Variants in YY1 observed in about 807,000 individuals in gnomAD.
YY1 encodes the protein YY1 transcription factor.
A neutral mutation model predicts 35.6 loss-of-function variants in YY1; 2 were observed. The ratio of observed to expected loss-of-function variants is 0.06; its 90% CI spans 0.02 to 0.18. The LOEUF is 0.18. Among genes scored for constraint, YY1 ranks in the 10% least tolerant of loss-of-function variants. The probability of loss-of-function intolerance (pLI) is 1.00; values close to 1 mark genes in which losing one functional copy is unlikely to be tolerated. For missense variants in YY1, 322 were observed against 573.4 expected (o/e 0.56, Z 4.48); for synonymous variants, 268 against 238.9 (o/e 1.12, Z -1.12).
In YY1 at chr14:100,253,416, G is replaced by C. The variant is rs1276968741; in HGVS notation, c.680-8888G>C. 3.3e-5 allele frequency among the ~76,000 whole-genome samples: 5 copies of C among 152,078 alleles called. 1 individual carries two copies. Among genetic ancestry groups the C allele is most frequent in the Non-Finnish European group, 7.4e-5 (5 of 68,008 alleles). ...AATGGAGGTTTGCCATGTTAGCCAGGCTAGTCTTTTTTATTTTTTGAGACA... is the reference window on the plus strand; with the variant it reads ...AATGGAGGTTTGCCATGTTAGCCAGCCTAGTCTTTTTTATTTTTTGAGACA... On this transcript the variant is annotated intron_variant, in intron 1 of 4. Transcript: ENST00000262238.
At chr14:100,268,704 A>G (rs1891189785) in intron 2 of YY1, among the ~76,000 whole-genome samples, 1 of 152,240 alleles carries the variant, frequency 6.6e-6, no homozygotes, top group African/African-American at 2.4e-5. Flanking sequence ...TATTTGTCTA[A>G]GGCAATATTA....
chr14:100,250,051 G>A, intron 1 of YY1, among the ~76,000 whole-genome samples: 1 of 152,148 alleles, frequency 6.6e-6, no homozygotes, highest in Non-Finnish European at 1.5e-5. Context: ...GGGATTACAG[G>A]CGTGAGCCAC....
chr14:100,254,855 C>G (rs1313360194), intron 1 of YY1, among the ~76,000 whole-genome samples: 1 of 150,602 alleles, frequency 6.6e-6, no homozygotes, highest in Non-Finnish European at 1.5e-5. Flanking sequence ...TCACTGCAAC[C>G]TCCGCCTCCT....
chr14:100,258,599 C>T (rs117201152), intron 1 of YY1, among the ~76,000 whole-genome samples: 7,398 of 152,224 alleles, frequency 0.049, 204 homozygotes, highest in African/African-American at 0.06. Context: ...GTGATCCGCC[C>T]GCCTCGGCTT....
chr14:100,246,464 G>A lies in YY1; in HGVS notation c.679+6541G>A, dbSNP rs61992933. Among the ~76,000 whole-genome samples, 299 of 152,338 alleles carry A rather than the reference G, an allele frequency of 2.0e-3. 5 individuals are homozygous for A. Among genetic ancestry groups the A allele is most frequent in the Middle Eastern group, 3.4e-3 (1 of 294 alleles). The stretch of plus-strand genomic sequence containing the variant: ...GGTAGAGAACCCTTGTTTGGACCTT[G>A]TGGGGATGTGGGGTGGTGAGACCCC... On this transcript the variant is annotated intron_variant, in intron 1 of 4. Coordinates refer to ENST00000262238, the MANE Select transcript of YY1 (RefSeq NM_003403.5).
At chr14:100,248,697 T>TG (rs1890874329) in intron 1 of YY1, among the ~76,000 whole-genome samples, 1 of 149,572 alleles carries the variant, frequency 6.7e-6, no homozygotes, top group African/African-American at 2.5e-5. Flanking sequence ...TTTTTTTTTT[T>TG]TTTTTATTGA....
At chr14:100,253,174 A>G (rs186483150) in intron 1 of YY1, among the ~76,000 whole-genome samples, 25 of 152,330 alleles carry the variant, frequency 1.6e-4, no homozygotes, top group African/African-American at 5.8e-4. Context: ...TTAATGACCT[A>G]TAGTGGGTCC....
At chr14:100,254,392 A>G (rs1302175127) in intron 1 of YY1, among the ~76,000 whole-genome samples, 1 of 152,204 alleles carries the variant, frequency 6.6e-6, no homozygotes, top group Non-Finnish European at 1.5e-5. Flanking sequence ...TCTTCTGGCA[A>G]CAAAAGCCAG....
At chr14:100,258,285 G>C (rs1211157697) in intron 1 of YY1, among the ~76,000 whole-genome samples, 1 of 152,172 alleles carries the variant, frequency 6.6e-6, no homozygotes, top group South Asian at 2.1e-4. Flanking sequence ...GGAGCAGGCA[G>C]CCCTGGGAAC....
rs886524985 is a variant in YY1, at chr14:100,278,219, C to T, written c.*619C>T. On this transcript the variant is annotated 3_prime_UTR_variant, in exon 5 of 5. Transcript: ENST00000262238. Reference sequence around the variant, plus strand: ...GTTAACACATTTTGTATAATTGTATCGTATAGCTGTATTGAATCATGTAGT... The same window carrying T: ...GTTAACACATTTTGTATAATTGTATTGTATAGCTGTATTGAATCATGTAGT... 6.5e-6 allele frequency: 1 copy of T among 153,434 alleles called. No homozygotes were observed. Among genetic ancestry groups the T allele is most frequent in the South Asian group, 2.0e-4 (1 of 4,928 alleles). The allele number at this position is 153,434 out of a possible 1,614,324, so 9.5% of individuals were successfully genotyped here. A position where few individuals can be genotyped will look rare whatever the true frequency, so the allele number is the denominator to read the frequency against.
chr14:100,250,134 C>G (rs951952469), intron 1 of YY1, among the ~76,000 whole-genome samples: 16 of 152,170 alleles, frequency 1.1e-4, no homozygotes, highest in Non-Finnish European at 1.3e-4. Flanking sequence ...CAGCCAAAAA[C>G]ATAGGGTTTA....
At chr14:100,268,348 AG>A (rs771804721) in intron 2 of YY1, among the ~76,000 whole-genome samples, 10 of 152,238 alleles carry the variant, frequency 6.6e-5, no homozygotes, top group East Asian at 5.8e-4. Flanking sequence ...GACATTGGGA[AG>A]GTGGACAGTC....
chr14:100,247,466 C>G (rs1335334230), intron 1 of YY1, among the ~76,000 whole-genome samples: 1 of 151,486 alleles, frequency 6.6e-6, no homozygotes, highest in Non-Finnish European at 1.5e-5. Flanking sequence ...ATTGCAGCCT[C>G]GACCTCCTGG....
chr14:100,255,696 A>T (rs1040291819), intron 1 of YY1, among the ~76,000 whole-genome samples: 2 of 152,212 alleles, frequency 1.3e-5, no homozygotes, highest in Non-Finnish European at 2.9e-5. Flanking sequence ...CAGTTTTATT[A>T]TGGTTTTAAA....
At chr14:100,271,021 G>A (rs931535575) in intron 2 of YY1, among the ~76,000 whole-genome samples, 15 of 152,124 alleles carry the variant, frequency 9.9e-5, no homozygotes, top group African/African-American at 2.4e-4. Flanking sequence ...CAAGGCAGGC[G>A]GATCACGAGG....
chr14:100,251,027 G>T (rs1890916938), intron 1 of YY1, among the ~76,000 whole-genome samples: 1 of 151,958 alleles, frequency 6.6e-6, no homozygotes, highest in African/African-American at 2.4e-5. Context: ...AATATATAAG[G>T]CCTTTGATTT....
chr14:100,266,640 A>G (rs768641439), intron 2 of YY1, among the ~76,000 whole-genome samples: 2 of 152,144 alleles, frequency 1.3e-5, no homozygotes, highest in Non-Finnish European at 2.9e-5. Context: ...CGGGTACCAG[A>G]TAGCCATCCA....
intron 2 of YY1, among the ~76,000 whole-genome samples, chr14:100,268,263 C>T (rs1268220574): frequency 2.0e-5 from 3 of 152,164 alleles, no homozygotes; most frequent in Non-Finnish European, 2.9e-5. Context: ...TGCACTCAGC[C>T]TAGACTGCCT....
intron 1 of YY1, among the ~76,000 whole-genome samples, chr14:100,260,070 C>G (rs565614974): frequency 6.6e-6 from 1 of 151,678 alleles, no homozygotes; most frequent in Non-Finnish European, 1.5e-5. Context: ...AGAGGGAAGA[C>G]TGGTGTTTTT....
Sources: allele counts gnomAD v4.1 joint callset (sites outside exome capture counted in the v4.1 genomes callset), GRCh38; gene constraint gnomAD v4.1.1; transcripts MANE v1.5; gene names NCBI Gene and HGNC (gene_info 2026-07-23, HGNC 2026-07-21).